Variants in PPP1R12A observed in about 807,000 individuals in gnomAD.
PPP1R12A encodes the protein protein phosphatase 1 regulatory subunit 12A, also known as myosin binding subunit.
In PPP1R12A, 19 loss-of-function variants were observed where a neutral mutation model predicts 139.6. The observed-to-expected ratio is 0.14, with a 90% CI of 0.09 to 0.20. The LOEUF (loss-of-function observed/expected upper bound fraction) is 0.20. Among genes scored for constraint, PPP1R12A ranks in the 10% least tolerant of loss-of-function variants. The pLI is 1.00. For synonymous variants in PPP1R12A, 427 were observed against 420.6 expected, an observed-to-expected ratio of 1.02 and a Z score of -0.19; for missense variants, 925 against 1,211.5, an observed-to-expected ratio of 0.76 and a Z score of 3.51.
chr12:79,777,575 T>C, intron 24 of PPP1R12A: 2 of 985,284 alleles, frequency 2.0e-6, no homozygotes, highest in South Asian at 9.4e-5. Context: ...CTACCACTCT[T>C]GTCAAGGCCC....
At chr12:79,887,577 T>C (rs1263784735) in intron 1 of PPP1R12A, among the ~76,000 whole-genome samples, 2 of 152,178 alleles carry the variant, frequency 1.3e-5, no homozygotes, top group African/African-American at 2.4e-5. Context: ...TATGCAGGTC[T>C]CATTACTGTC....
In PPP1R12A at chr12:79,828,460, A is replaced by G; in HGVS notation, c.652T>C (p.Leu218=). 6.3e-7 allele frequency: 1 copy of G among 1,593,252 alleles called. No individual in the cohort carries two copies. The highest frequency in any genetic ancestry group is 8.6e-7 in the Non-Finnish European group (1 of 1,166,996). ...TTAACATCATAGCCTGCCTGTATTA[A>G]AAGTCTAAAGAAATTACAGTGAATT... ...AKGYTEVLKL[L]IQAGYDVNIK... Residue 218 remains leucine (L), a synonymous_variant, in exon 5 of 25, where the codon TTA becomes CTA. Coordinates refer to ENST00000450142, the MANE Select transcript of PPP1R12A (RefSeq NM_002480.3).
At chr12:79,873,582 C>T (rs1191270811) in intron 1 of PPP1R12A, among the ~76,000 whole-genome samples, 1 of 151,630 alleles carries the variant, frequency 6.6e-6, no homozygotes, top group Non-Finnish European at 1.5e-5. Context: ...AGGAGGATCG[C>T]TTGAGTTTGA....
chr12:79,805,849 C>T (rs1032471529), intron 13 of PPP1R12A, 81 bp from the exon 14 acceptor site: 1 of 1,388,734 alleles, frequency 7.2e-7, no homozygotes, highest in African/African-American at 1.4e-5. Context: ...CAGCTGAAAA[C>T]ACATGACTAC....
Position 79,775,839 on chromosome 12 carries a change from A to C in PPP1R12A, c.*90T>G. The C allele has an allele frequency of 1.2e-6, 1 of 837,624 alleles. No homozygotes were observed. The allele number at this position is 837,624 out of a possible 1,614,324, so 51.9% of individuals were successfully genotyped here. A position where few individuals can be genotyped will look rare whatever the true frequency, so the allele number is the denominator to read the frequency against. On this transcript the variant is annotated 3_prime_UTR_variant, in exon 25 of 25. Coordinates refer to ENST00000450142, the MANE Select transcript of PPP1R12A (RefSeq NM_002480.3). ...GGATATCCGAAAATGACAGTCTCCA[A>C]GGATTCTTCCCAGACTTCCAGTGAC...
intron 1 of PPP1R12A, among the ~76,000 whole-genome samples, chr12:79,915,416 T>C (rs2136926362): frequency 6.6e-6 from 1 of 152,280 alleles, no homozygotes; most frequent in Admixed American, 6.5e-5. Flanking sequence ...CTAGACACAT[T>C]CTACAGATGT....
chr12:79,878,275 C>T (rs1883308129), intron 1 of PPP1R12A: 1 of 151,794 alleles, frequency 6.6e-6, no homozygotes, highest in East Asian at 1.9e-4. Context: ...ATTCCTTTAA[C>T]TTCTATGTCT....
intron 1 of PPP1R12A, chr12:79,878,558 C>CTAAT (rs1883334193): frequency 6.6e-6 from 1 of 151,996 alleles, no homozygotes; most frequent in Non-Finnish European, 1.5e-5. Flanking sequence ...AAAGACATAC[C>CTAAT]AGAGACTGAG....
chr12:79,872,786 T>C (rs749824987), intron 2 of PPP1R12A, 22 bp downstream of exon 2: 3 of 1,610,956 alleles, frequency 1.9e-6, no homozygotes, highest in Non-Finnish European at 1.7e-6. Flanking sequence ...TAGAATAAAA[T>C]GAAAACACAG....
chr12:79,880,003 C>A (rs2137372072), intron 1 of PPP1R12A, among the ~76,000 whole-genome samples: 1 of 152,236 alleles, frequency 6.6e-6, no homozygotes, highest in African/African-American at 2.4e-5. Flanking sequence ...CTGATAACCT[C>A]TAAATACTCT....
intron 1 of PPP1R12A, among the ~76,000 whole-genome samples, chr12:79,898,225 G>A (rs552125888): frequency 3.3e-5 from 5 of 152,268 alleles, no homozygotes; most frequent in East Asian, 3.9e-4. Context: ...CGAGGTGGGC[G>A]GACTGCCTGA....
chr12:79,838,293 T>C (rs530445784), intron 3 of PPP1R12A, among the ~76,000 whole-genome samples: 1 of 152,314 alleles, frequency 6.6e-6, no homozygotes, highest in South Asian at 2.1e-4. Context: ...GGGTATCTGA[T>C]GAAAGAAATT....
chr12:79,814,257 C>T (rs1222047567), intron 9 of PPP1R12A, among the ~76,000 whole-genome samples: 3 of 151,884 alleles, frequency 2.0e-5, no homozygotes, highest in Admixed American at 6.6e-5. Context: ...GCGGGTGGAT[C>T]ACGAGGTCAG....
chr12:79,904,980 T>C (rs878882559), intron 1 of PPP1R12A, among the ~76,000 whole-genome samples: 10 of 152,206 alleles, frequency 6.6e-5, no homozygotes, highest in African/African-American at 1.9e-4. Context: ...TTCTAAAACC[T>C]AAAATAGTGA....
chr12:79,834,433 T>G (rs780364913), intron 3 of PPP1R12A, among the ~76,000 whole-genome samples: 56 of 152,296 alleles, frequency 3.7e-4, no homozygotes, highest in Non-Finnish European at 6.8e-4. Context: ...AGATACCCAC[T>G]TGGAGGCTAC....
At chr12:79,902,068 G>A (rs1003300536) in intron 1 of PPP1R12A, among the ~76,000 whole-genome samples, 11 of 152,294 alleles carry the variant, frequency 7.2e-5, no homozygotes, top group Admixed American at 3.9e-4. Context: ...GACTACAAAA[G>A]TCAGCAGATC....
chr12:79,814,431 C>G (rs1175207097), intron 9 of PPP1R12A, among the ~76,000 whole-genome samples: 1 of 125,260 alleles, frequency 8.0e-6, no homozygotes, highest in Non-Finnish European at 1.6e-5. Flanking sequence ...GAGCCGAGAT[C>G]GTGCTACTGC....
chr12:79,877,671 A>G (rs904800754), intron 1 of PPP1R12A, among the ~76,000 whole-genome samples: 4 of 152,084 alleles, frequency 2.6e-5, no homozygotes, highest in Non-Finnish European at 5.9e-5. Context: ...GTGTGCCACC[A>G]TGCCTGGCTA....
At chr12:79,777,287 A>G (rs1041663261) in intron 24 of PPP1R12A, 1 of 974,554 alleles carries the variant, frequency 1.0e-6, no homozygotes, top group Non-Finnish European at 1.2e-6. Context: ...AAAAGTACAG[A>G]TAAGTCTTTA....
Sources: gnomAD v4.1 joint callset for allele counts (sites outside exome capture counted in the v4.1 genomes callset) on GRCh38, gnomAD v4.1.1 for gene constraint, MANE v1.5 for transcripts, NCBI Gene and HGNC (gene_info 2026-07-23, HGNC 2026-07-21) for gene names.